The following NEK11 variants were observed in gnomAD, a reference collection of about 807,000 sequenced individuals.
NEK11 encodes serine/threonine-protein kinase Nek11.
Under a neutral mutation model 80.7 loss-of-function variants are expected in NEK11, and 72 were observed. That is an observed-to-expected ratio of 0.89 (90% CI 0.74 to 1.08). NEK11 has a LOEUF of 1.08. Ranked by LOEUF, NEK11 falls within the 50% of genes least tolerant of loss-of-function variation. The pLI is 0.00. For synonymous variants in NEK11, 251 were observed against 260.7 expected, an observed-to-expected ratio of 0.96 and a Z score of 0.36; for missense variants, 764 against 763.6, an observed-to-expected ratio of 1.00 and a Z score of -0.01.
intron 15 of NEK11, among the ~76,000 whole-genome samples, chr3:131,236,521 AGCTGCAG>A (rs1159829196): frequency 6.6e-6 from 1 of 152,230 alleles, no homozygotes; most frequent in Admixed American, 6.5e-5. Flanking sequence ...AATAAGAGAC[AGCTGCAG>A]TTAGAAGGTT....
intron 15 of NEK11, among the ~76,000 whole-genome samples, chr3:131,235,260 A>C (rs561210985): frequency 6.6e-6 from 1 of 152,228 alleles, no homozygotes; most frequent in African/African-American, 2.4e-5. Flanking sequence ...TGGACCCTCT[A>C]GTGCTTTTCT....
intron 14 of NEK11, among the ~76,000 whole-genome samples, chr3:131,195,663 G>GA (rs992083484): frequency 2.0e-5 from 3 of 151,974 alleles, no homozygotes; most frequent in Admixed American, 2.0e-4. Context: ...CTCCATAGAT[G>GA]ATGTGAAGGT....
chr3:131,328,389 T>A (rs1383965989), intron 17 of NEK11: 1 of 152,200 alleles, frequency 6.6e-6, no homozygotes, highest in Non-Finnish European at 1.5e-5. Flanking sequence ...GGTGCTATTT[T>A]GTGCCAGGAC....
At chr3:131,199,878 G>A (rs1016735411) in intron 14 of NEK11, among the ~76,000 whole-genome samples, 11 of 152,180 alleles carry the variant, frequency 7.2e-5, no homozygotes, top group Middle Eastern at 3.4e-3. Context: ...ACAGAAGAAA[G>A]GGCAAAAGAC....
intron 9 of NEK11, 172 bp from the exon 10 acceptor site, chr3:131,154,864 T>G (rs2090382167): frequency 3.6e-6 from 2 of 548,154 alleles, no homozygotes; most frequent in Non-Finnish European, 6.5e-6. Context: ...AAGATCTTCT[T>G]GGAAAAGCTA....
rs1217542976 is a variant in NEK11, at chr3:131,029,672, T to C, written c.-37T>C. 1.9e-6 allele frequency: 3 copies of C among 1,597,434 alleles called. No homozygotes were observed. Among genetic ancestry groups the C allele is most frequent in the African/African-American group, 1.3e-5 (1 of 74,360 alleles). ...TTAGGAGACTGGAATGTTAAGTTTC[T>C]ATAAATGAATGAACCAGTTCTCTCT... is the stretch of plus-strand genomic sequence containing the variant. On this transcript the variant is annotated 5_prime_UTR_variant, in exon 3 of 18. Transcript: ENST00000383366.
chr3:131,114,646 G>T (rs112934861), intron 5 of NEK11, among the ~76,000 whole-genome samples: 6 of 152,252 alleles, frequency 3.9e-5, no homozygotes, highest in Admixed American at 2.0e-4. Flanking sequence ...AATGTCAGAG[G>T]GGGTGGAGAT....
chr3:131,325,190 CAGG>C (rs1279998881), intron 17 of NEK11: 1 of 151,734 alleles, frequency 6.6e-6, no homozygotes, highest in African/African-American at 2.4e-5. Flanking sequence ...TGTACTTCAG[CAGG>C]AGAATGAATA....
intron 14 of NEK11, among the ~76,000 whole-genome samples, chr3:131,172,541 C>A (rs1280364126): frequency 6.6e-6 from 1 of 152,192 alleles, no homozygotes; most frequent in African/African-American, 2.4e-5. Context: ...ACATTCTTGA[C>A]AAACAAATAT....
intron 5 of NEK11, among the ~76,000 whole-genome samples, chr3:131,121,028 G>A (rs1441637640): frequency 2.6e-5 from 4 of 152,202 alleles, no homozygotes; most frequent in Non-Finnish European, 4.4e-5. Flanking sequence ...CGTTGCTAGC[G>A]AGGAGCTGAG....
chr3:131,193,198 C>A (rs1205878555), intron 14 of NEK11, among the ~76,000 whole-genome samples: 1 of 151,516 alleles, frequency 6.6e-6, no homozygotes, highest in African/African-American at 2.4e-5. Context: ...ACATTTTTAC[C>A]TTTTTTTTAG....
chr3:131,190,156 A>C (rs2093738284), intron 14 of NEK11, among the ~76,000 whole-genome samples: 1 of 152,170 alleles, frequency 6.6e-6, no homozygotes, highest in South Asian at 2.1e-4. Context: ...TTTTTAAAGA[A>C]GCAAAAATTC....
chr3:131,332,771 A>C (rs1288497435), intron 17 of NEK11, among the ~76,000 whole-genome samples: 1 of 152,220 alleles, frequency 6.6e-6, no homozygotes, highest in Non-Finnish European at 1.5e-5. Context: ...GAAGTGCTTA[A>C]AGGAGCTGAT....
intron 15 of NEK11, among the ~76,000 whole-genome samples, chr3:131,238,494 C>G (rs1165763878): frequency 6.6e-6 from 1 of 151,994 alleles, no homozygotes; most frequent in African/African-American, 2.4e-5. Flanking sequence ...AGGACACAAA[C>G]AAAGAAGTAA....
chr3:131,094,330 C>T (rs995438262), intron 4 of NEK11, among the ~76,000 whole-genome samples: 1 of 151,810 alleles, frequency 6.6e-6, no homozygotes, highest in Non-Finnish European at 1.5e-5. Flanking sequence ...TAAAATCTTT[C>T]AATATTAAGT....
At chr3:131,147,936 C>T (rs1429724058) in intron 7 of NEK11, among the ~76,000 whole-genome samples, 1 of 151,792 alleles carries the variant, frequency 6.6e-6, no homozygotes, top group African/African-American at 2.4e-5. Flanking sequence ...TGTTCCTAAT[C>T]TCAGAAGAAA....
At position 131,133,954 on chromosome 3, in the gene NEK11, C is replaced by T; in HGVS notation, c.645C>T (p.Ile215=). The stretch of plus-strand genomic sequence containing the variant: ...AAGGCTATGACACAAAGTCGGACAT[C>T]TGGTGAGTGGGCTAGTGGGCTAGAC... ...KHQGYDTKSD[I]WSLACILYEM... is the part of the protein sequence containing the mutation. The change falls in exon 7 of 18, where the codon ATC becomes ATT. Residue 215 remains isoleucine (I), a splice_region_variant and synonymous_variant. Transcript: ENST00000383366. The T allele has an allele frequency of 6.2e-7, 1 of 1,608,026 alleles. No homozygotes were observed.
chr3:131,134,867 T>G (rs1314381364), intron 7 of NEK11, among the ~76,000 whole-genome samples: 1 of 152,212 alleles, frequency 6.6e-6, no homozygotes, highest in African/African-American at 2.4e-5. Flanking sequence ...TATGTTCTAG[T>G]GTAAGCAATA....
At chr3:131,057,848 C>T (rs2069907634) in intron 3 of NEK11, among the ~76,000 whole-genome samples, 1 of 152,172 alleles carries the variant, frequency 6.6e-6, no homozygotes, top group South Asian at 2.1e-4. Flanking sequence ...TGCCTGTTCA[C>T]TCTGATGGCA....
Sources: allele counts gnomAD v4.1 joint callset (sites outside exome capture counted in the v4.1 genomes callset), GRCh38; gene constraint gnomAD v4.1.1; transcripts MANE v1.5; gene names NCBI Gene and HGNC (gene_info 2026-07-23, HGNC 2026-07-21).